The following SLC29A1 variants were observed in gnomAD, a reference collection of about 807,000 sequenced individuals.
The protein encoded by SLC29A1 is equilibrative nucleoside transporter 1.
A neutral mutation model predicts 48.3 loss-of-function variants in SLC29A1; 22 were observed. The observed-to-expected ratio is 0.46, with a 90% CI of 0.33 to 0.65. The LOEUF (loss-of-function observed/expected upper bound fraction) is 0.65. Ranked by LOEUF, SLC29A1 falls within the 30% of genes least tolerant of loss-of-function variation. The probability of loss-of-function intolerance (pLI) is 0.03; values close to 1 mark genes in which losing one functional copy is unlikely to be tolerated. For missense variants in SLC29A1, 491 were observed against 575.3 expected (o/e 0.85, Z 1.50); for synonymous variants, 228 against 231.0 (o/e 0.99, Z 0.12).
rs1208687139 is a variant in SLC29A1, at chr6:44,233,931, G to A, written c.*403G>A. 1.8e-5 allele frequency: 4 copies of A among 220,702 alleles called. No individual in the cohort carries two copies. The highest frequency in any genetic ancestry group is 1.3e-4 in the East Asian group (1 of 7,972). The allele number at this position is 220,702 out of a possible 1,614,324, so 13.7% of individuals were successfully genotyped here. A position where few individuals can be genotyped will look rare whatever the true frequency, so the allele number is the denominator to read the frequency against. On this transcript the variant is annotated 3_prime_UTR_variant, in exon 13 of 13. Coordinates refer to ENST00000371755, the MANE Select transcript of SLC29A1 (RefSeq NM_001372327.1). ...GGGTGGCTAGGAGCTGGGTCTGACC[G>A]TTGTATGGTTTGACCTGATATACTC...
chr6:44,225,180 C>G (rs1420827141), intron 1 of SLC29A1, among the ~76,000 whole-genome samples: 1 of 152,032 alleles, frequency 6.6e-6, no homozygotes, highest in Non-Finnish European at 1.5e-5. Flanking sequence ...AAGTAAGAAC[C>G]TAGAGGAAGA....
chr6:44,227,440 C>A, intron 2 of SLC29A1, 98 bp downstream of exon 2: 1 of 1,070,696 alleles, frequency 9.3e-7, no homozygotes, highest in Non-Finnish European at 1.4e-6. Context: ...TGCTGGCTGG[C>A]CTTCCAGCCA....
At position 44,232,603 on chromosome 6, in the gene SLC29A1, A is replaced by G; in HGVS notation, c.1059+175A>G. The G allele has an allele frequency of 1.6e-6, 1 of 642,078 alleles. No homozygotes were observed. The highest frequency in any genetic ancestry group is 2.7e-6 in the Non-Finnish European group (1 of 368,574). The allele number at this position is 642,078 out of a possible 1,614,324, so 39.8% of individuals were successfully genotyped here. A position where few individuals can be genotyped will look rare whatever the true frequency, so the allele number is the denominator to read the frequency against. On this transcript the variant is annotated intron_variant, in intron 11 of 12. Coordinates refer to ENST00000371755, the MANE Select transcript of SLC29A1 (RefSeq NM_001372327.1). The surrounding 1 kb of genome is among the most constrained non-coding windows in gnomAD (Gnocchi z 4.7). ...TGTACAACTTAATGAATATATGTAT[A>G]TACACATACCTGCCCAGATCGAGAT...
chr6:44,230,163 C>T (rs775065587), intron 5 of SLC29A1, 117 bp downstream of exon 5: 23 of 1,492,676 alleles, frequency 1.5e-5, no homozygotes, highest in Non-Finnish European at 2.0e-5. Flanking sequence ...GGAGTGGATG[C>T]TGTGAGCAGC....
chr6:44,224,969 A>G lies in SLC29A1; in HGVS notation c.-52+1328A>G, dbSNP rs1288529723. 4.6e-5 allele frequency among the ~76,000 whole-genome samples: 7 copies of G among 152,054 alleles called. No homozygotes were observed. The East Asian group carries it at 1.3e-3, about 29-fold the overall frequency. Reference sequence around the variant, plus strand: ...AATTGTGCCCAAGACTGGTATGGGAACTCCTGAGAACAGAGAGAGCAGGGG... The same window carrying G: ...AATTGTGCCCAAGACTGGTATGGGAGCTCCTGAGAACAGAGAGAGCAGGGG... On this transcript the variant is annotated intron_variant, in intron 1 of 12. Transcript: ENST00000371755.
rs781188728 is a variant in SLC29A1 at position 44,227,252 on chromosome 6, G to A, written c.-51-11G>A. On this transcript the variant is annotated splice_polypyrimidine_tract_variant and intron_variant, in intron 1 of 12. Transcript: ENST00000371755. ...CAAGACAGGGCCTCACACTGTTCCT[G>A]CCCCCAGCAGGCCCCTGAGGGAGGG... 10 of 1,611,192 alleles carry A rather than the reference G, an allele frequency of 6.2e-6. No homozygotes were observed. Among genetic ancestry groups the A allele is most frequent in the Non-Finnish European group, 8.5e-6 (10 of 1,178,178 alleles).
At chr6:44,230,723 G>A in intron 7 of SLC29A1, 58 bp downstream of exon 7, 7 of 1,547,642 alleles carry the variant, frequency 4.5e-6, no homozygotes, top group Non-Finnish European at 6.3e-6. Context: ...TCCAGACCAC[G>A]GGTGTTCTGA....
intron 1 of SLC29A1, chr6:44,226,072 C>A: frequency 1.0e-6 from 1 of 983,112 alleles, no homozygotes; most frequent in Non-Finnish European, 1.2e-6. Flanking sequence ...AGCCCGTGGA[C>A]AAGGCCCACT....
Position 44,232,193 on chromosome 6 carries a change from T to C in SLC29A1, c.973+87T>C, listed in dbSNP as rs1049038454. 8.4e-7 allele frequency: 1 copy of C among 1,183,440 alleles called. No individual in the cohort carries two copies. Among genetic ancestry groups the C allele is most frequent in the South Asian group, 1.2e-5 (1 of 81,494 alleles). The allele number at this position is 1,183,440 out of a possible 1,614,324, so 73.3% of individuals were successfully genotyped here. On this transcript the variant is annotated intron_variant, in intron 10 of 12. Coordinates refer to ENST00000371755, the MANE Select transcript of SLC29A1 (RefSeq NM_001372327.1). The surrounding 1 kb of genome is among the most constrained non-coding windows in gnomAD (Gnocchi z 4.7). ...GGGAAGGGAGGGAGCCTGGGTCACCTTCTCCCCGTTTCCTGGGTCCATTTG... is the reference window on the plus strand; with the variant it reads ...GGGAAGGGAGGGAGCCTGGGTCACCCTCTCCCCGTTTCCTGGGTCCATTTG...
upstream of SLC29A1, among the ~76,000 whole-genome samples, chr6:44,220,241 G>C (rs1252044762): frequency 6.6e-6 from 1 of 151,554 alleles, no homozygotes; most frequent in Non-Finnish European, 1.5e-5. Flanking sequence ...GCAGTGGTGC[G>C]ATCACAGCCT....
At chr6:44,227,077 G>A (rs1167328565) in intron 1 of SLC29A1, 186 bp from the exon 2 acceptor site, 3 of 1,407,328 alleles carry the variant, frequency 2.1e-6, no homozygotes, top group Non-Finnish European at 2.8e-6. Flanking sequence ...CGCAGGACTG[G>A]CCTGCTGGGC....
rs758190538 is a variant in SLC29A1 at position 44,233,403 on chromosome 6, C to A, written c.1260-14C>A. 76 of 1,607,636 alleles carry A rather than the reference C, an allele frequency of 4.7e-5. No homozygotes were observed. Among genetic ancestry groups the A allele is most frequent in the Non-Finnish European group, 6.5e-5 (76 of 1,174,138 alleles). The stretch of plus-strand genomic sequence containing the variant: ...GCCATTCTGAGGTAGCCTTGCCCTT[C>A]CTTCCCCGCTTAGGAAAGTGAAGCC... On this transcript the variant is annotated splice_polypyrimidine_tract_variant and intron_variant, in intron 12 of 12. Coordinates refer to ENST00000371755, the MANE Select transcript of SLC29A1 (RefSeq NM_001372327.1).
At chr6:44,225,494 A>G (rs1373119040) in intron 1 of SLC29A1, among the ~76,000 whole-genome samples, 1 of 149,398 alleles carries the variant, frequency 6.7e-6, no homozygotes, top group Non-Finnish European at 1.5e-5. Flanking sequence ...CAACAGGAGC[A>G]AAAACTCCGT....
In SLC29A1 at chr6:44,229,956, G is replaced by T; in HGVS notation, c.364G>T (p.Val122Leu). The T allele has an allele frequency of 6.2e-7, 1 of 1,613,416 alleles. No homozygotes were observed. The highest frequency in any genetic ancestry group is 8.5e-7 in the Non-Finnish European group (1 of 1,180,018). ...ILGSLVAILL[V>L]FLITAILVKV... The stretch of plus-strand genomic sequence containing the variant: ...GGGCAGCCTGGTGGCCATCCTGCTG[G>T]TGTTTCTGATCACTGCCATCCTGGT... Residue 122 changes from valine (V) to leucine (L), a missense_variant, in exon 5 of 13, where the codon GTG (valine) becomes TTG (leucine). Val to Leu is a conservative substitution (Grantham distance 32, BLOSUM62 1). Transcript: ENST00000371755. The surrounding 1 kb of genome is among the most constrained non-coding windows in gnomAD (Gnocchi z 5.1).
intron 5 of SLC29A1, 94 bp downstream of exon 5, chr6:44,230,140 C>A (rs747023488): frequency 1.9e-6 from 3 of 1,548,562 alleles, no homozygotes; most frequent in Non-Finnish European, 8.8e-7. Flanking sequence ...AGAAGCCCAG[C>A]CTCCGCCTGG....
Position 44,232,482 on chromosome 6 carries a change from G to T in SLC29A1, c.1059+54G>T. On this transcript the variant is annotated intron_variant, in intron 11 of 12. Transcript: ENST00000371755. The surrounding 1 kb of genome is among the most constrained non-coding windows in gnomAD (Gnocchi z 4.7). ...CTGTGGGAAGTAAGAGTCCAGCCTG[G>T]ACCCAGAGAGGGAACCCAAGAAAGT... The T allele has an allele frequency of 1.7e-6, 2 of 1,208,652 alleles. No homozygotes were observed. The highest frequency in any genetic ancestry group is 2.5e-5 in the South Asian group (2 of 78,696). The allele number at this position is 1,208,652 out of a possible 1,614,324, so 74.9% of individuals were successfully genotyped here. A position where few individuals can be genotyped will look rare whatever the true frequency, so the allele number is the denominator to read the frequency against.
At position 44,233,785 on chromosome 6, in the gene SLC29A1, G is replaced by A. The variant is rs1010835510; in HGVS notation, c.*257G>A. 3 of 520,874 alleles carry A rather than the reference G, an allele frequency of 5.8e-6. No individual in the cohort carries two copies. Among genetic ancestry groups the A allele is most frequent in the African/African-American group, 5.8e-5 (3 of 52,116 alleles). 32.3% of individuals were successfully genotyped at this position (520,874 alleles called of 1,614,324 possible). ...ATTTGCTTGAGTTTCTCCACTCTTG[G>A]CTCTGACTGATCCCTGCTTGTGCAG... is the stretch of plus-strand genomic sequence containing the variant. On this transcript the variant is annotated 3_prime_UTR_variant, in exon 13 of 13. Coordinates refer to ENST00000371755, the MANE Select transcript of SLC29A1 (RefSeq NM_001372327.1).
At chr6:44,226,260 CAG>C (rs1777493842) in intron 1 of SLC29A1, 6 of 257,728 alleles carry the variant, frequency 2.3e-5, no homozygotes, top group Non-Finnish European at 3.6e-5. Context: ...GGGAATGTGT[CAG>C]TGCACATCTG....
At position 44,233,409 on chromosome 6, in the gene SLC29A1, C is replaced by G. The variant is rs1465127514; in HGVS notation, c.1260-8C>G. 6.2e-7 allele frequency: 1 copy of G among 1,611,344 alleles called. No homozygotes were observed. The highest frequency in any genetic ancestry group is 1.1e-5 in the South Asian group (1 of 91,028). The stretch of plus-strand genomic sequence containing the variant: ...CTGAGGTAGCCTTGCCCTTCCTTCC[C>G]CGCTTAGGAAAGTGAAGCCAGCTGA... On this transcript the variant is annotated splice_polypyrimidine_tract_variant and splice_region_variant and intron_variant, in intron 12 of 12. Coordinates refer to ENST00000371755, the MANE Select transcript of SLC29A1 (RefSeq NM_001372327.1).
Sources: allele counts gnomAD v4.1 joint callset (sites outside exome capture counted in the v4.1 genomes callset), GRCh38; gene constraint gnomAD v4.1.1; non-coding constraint Gnocchi (gnomAD v3.1); transcripts MANE v1.5; gene names NCBI Gene and HGNC (gene_info 2026-07-23, HGNC 2026-07-21).